Variants in GNG12 observed in about 807,000 individuals in gnomAD.
The protein encoded by GNG12 is guanine nucleotide-binding protein G(I)/G(S)/G(O) subunit gamma-12.
For synonymous variants in GNG12, 28 were observed against 29.7 expected (o/e 0.94, Z 0.19); for missense variants, 69 against 83.8 (o/e 0.82, Z 0.69).
At chr1:67,798,290 A>G (rs1345001998) in intron 1 of GNG12, among the ~76,000 whole-genome samples, 1 of 152,150 alleles carries the variant, frequency 6.6e-6, no homozygotes, top group Admixed American at 6.5e-5. Context: ...GTGCATGCGC[A>G]GAATCTAGGT....
intron 1 of GNG12, among the ~76,000 whole-genome samples, chr1:67,816,770 G>T (rs571590317): frequency 6.6e-6 from 1 of 152,146 alleles, no homozygotes; most frequent in African/African-American, 2.4e-5. Flanking sequence ...GCCAGCACCC[G>T]ACAACTCCCA....
intron 1 of GNG12, among the ~76,000 whole-genome samples, chr1:67,832,908 TG>T (rs1244145622): frequency 6.6e-6 from 1 of 152,198 alleles, no homozygotes; most frequent in East Asian, 1.9e-4. Context: ...AAGCCACGGC[TG>T]GGAACACTGG....
At chr1:67,732,280 G>A (rs939587925) in intron 2 of GNG12, among the ~76,000 whole-genome samples, 1 of 152,208 alleles carries the variant, frequency 6.6e-6, no homozygotes, top group African/African-American at 2.4e-5. Flanking sequence ...ACTATCGGGG[G>A]ACCCCCAGTA....
intron 1 of GNG12, among the ~76,000 whole-genome samples, chr1:67,828,525 C>A (rs143001852): frequency 1.0e-3 from 152 of 152,278 alleles, no homozygotes; most frequent in Middle Eastern, 6.8e-3. Context: ...GACAACTGAG[C>A]AAGACTGTAT....
intron 2 of GNG12, among the ~76,000 whole-genome samples, chr1:67,734,088 G>A (rs115234405): frequency 0.021 from 3,215 of 152,034 alleles, 132 homozygotes; most frequent in African/African-American, 0.074. Flanking sequence ...AGATTCTGCC[G>A]GGGCCACCCA....
chr1:67,767,757 C>G (rs996493326), intron 2 of GNG12, among the ~76,000 whole-genome samples: 2 of 152,100 alleles, frequency 1.3e-5, no homozygotes, highest in Non-Finnish European at 2.9e-5. Context: ...GAGGCAAGGC[C>G]TAAAAAAATA....
At chr1:67,750,340 T>C (rs937735378) in intron 2 of GNG12, among the ~76,000 whole-genome samples, 4 of 152,220 alleles carry the variant, frequency 2.6e-5, no homozygotes, top group Non-Finnish European at 5.9e-5. Context: ...TTAACCACAC[T>C]TGCCTCACAT....
At chr1:67,714,926 G>C (rs1277366147) in intron 2 of GNG12, among the ~76,000 whole-genome samples, 1 of 152,074 alleles carries the variant, frequency 6.6e-6, no homozygotes, top group Non-Finnish European at 1.5e-5. Flanking sequence ...TCTTTTGTTT[G>C]TTTGTTTGTT....
intron 1 of GNG12, among the ~76,000 whole-genome samples, chr1:67,799,453 T>C (rs951236369): frequency 2.0e-5 from 3 of 152,222 alleles, no homozygotes; most frequent in African/African-American, 2.4e-5. Context: ...AATCATTTCA[T>C]GTTTATTTGT....
intron 1 of GNG12, among the ~76,000 whole-genome samples, chr1:67,817,668 C>T (rs1421481471): frequency 6.6e-6 from 1 of 151,998 alleles, no homozygotes; most frequent in African/African-American, 2.4e-5. Flanking sequence ...CTGTCTTCCT[C>T]ATTAGCTTAC....
At chr1:67,830,454 A>C (rs1647036982) in intron 1 of GNG12, among the ~76,000 whole-genome samples, 1 of 152,216 alleles carries the variant, frequency 6.6e-6, no homozygotes, top group Non-Finnish European at 1.5e-5. Context: ...CTTATGGCTT[A>C]TCTGTTGGCC....
At chr1:67,709,852 TTATATA>T (rs543337892) in intron 2 of GNG12, among the ~76,000 whole-genome samples, 9 of 122,946 alleles carry the variant, frequency 7.3e-5, no homozygotes, top group African/African-American at 1.7e-4. Context: ...GTATATATAT[TTATATA>T]TATATAGTTA....
chr1:67,752,129 T>C (rs139376015), intron 2 of GNG12, among the ~76,000 whole-genome samples: 54 of 152,332 alleles, frequency 3.5e-4, no homozygotes, highest in African/African-American at 1.2e-3. Flanking sequence ...CTGATAACCA[T>C]ATGCTTGTTA....
At chr1:67,831,367 T>G (rs996373199) in intron 1 of GNG12, among the ~76,000 whole-genome samples, 7 of 152,238 alleles carry the variant, frequency 4.6e-5, no homozygotes, top group African/African-American at 1.7e-4. Flanking sequence ...ATCTAATTGT[T>G]AGAGAGCTTT....
At position 67,806,348 on chromosome 1, in the gene GNG12, C is replaced by T. The variant is rs188934392; in HGVS notation, c.-77+26996G>A. 1.8e-3 allele frequency among the ~76,000 whole-genome samples: 267 copies of T among 152,182 alleles called. 2 individuals are homozygous for T. Among genetic ancestry groups the T allele is most frequent in the African/African-American group, 6.3e-3 (260 of 41,518 alleles). On this transcript the variant is annotated intron_variant, in intron 1 of 3. Coordinates refer to ENST00000370982, the MANE Select transcript of GNG12 (RefSeq NM_018841.6). ...ATACATACAATTGATCCTGGAACAA[C>T]ACAGGTTTGAACTGAGAAGGTCCAC...
intron 2 of GNG12, among the ~76,000 whole-genome samples, chr1:67,740,575 T>C (rs1346846191): frequency 6.6e-6 from 1 of 152,224 alleles, no homozygotes; most frequent in East Asian, 1.9e-4. Context: ...TAAGGAAAGA[T>C]CATGCTTCAT....
chr1:67,708,988 G>A (rs1308607899), intron 2 of GNG12, among the ~76,000 whole-genome samples: 1 of 152,152 alleles, frequency 6.6e-6, no homozygotes, highest in Non-Finnish European at 1.5e-5. Flanking sequence ...TGGGCACCAC[G>A]GTGCTCCACA....
intron 2 of GNG12, among the ~76,000 whole-genome samples, chr1:67,752,550 T>C (rs748897186): frequency 4.5e-4 from 69 of 152,274 alleles, no homozygotes; most frequent in Non-Finnish European, 4.3e-4. Flanking sequence ...ACGGTAGACA[T>C]CCCTAATGGA....
chr1:67,775,006 A>G (rs1646696796), intron 2 of GNG12, among the ~76,000 whole-genome samples: 1 of 152,186 alleles, frequency 6.6e-6, no homozygotes, highest in South Asian at 2.1e-4. Flanking sequence ...GCTACTCATT[A>G]TTACTATTGT....
Sources: allele counts gnomAD v4.1 joint callset (sites outside exome capture counted in the v4.1 genomes callset), GRCh38; gene constraint gnomAD v4.1.1; transcripts MANE v1.5; gene names NCBI Gene and HGNC (gene_info 2026-07-23, HGNC 2026-07-21).